JAZF1: variants seen among roughly 807,000 people sequenced by gnomAD.
JAZF1 encodes JAZF zinc finger 1.
JAZF1 carries 8 observed loss-of-function variants against 26.4 expected under a neutral mutation model. That is an observed-to-expected ratio of 0.30 (90% CI 0.18 to 0.55). The LOEUF (loss-of-function observed/expected upper bound fraction) is 0.55. Ranked by LOEUF, JAZF1 falls within the 20% of genes least tolerant of loss-of-function variation. The probability of loss-of-function intolerance (pLI) is 0.94; values close to 1 mark genes in which losing one functional copy is unlikely to be tolerated. For synonymous variants in JAZF1, 126 were observed against 122.3 expected, an observed-to-expected ratio of 1.03 and a Z score of -0.20; for missense variants, 199 against 322.0, an observed-to-expected ratio of 0.62 and a Z score of 2.92.
At chr7:28,132,853 C>A (rs1333094788) in intron 1 of JAZF1, among the ~76,000 whole-genome samples, 1 of 152,112 alleles carries the variant, frequency 6.6e-6, no homozygotes, top group African/African-American at 2.4e-5. Context: ...CCCACCCCTA[C>A]CCATCTCTGA....
intron 4 of JAZF1, among the ~76,000 whole-genome samples, chr7:27,836,736 C>T (rs1216646117): frequency 1.3e-5 from 2 of 152,192 alleles, no homozygotes; most frequent in Admixed American, 1.3e-4. Flanking sequence ...CTGAGGTGCA[C>T]GCAGTTCCCT....
At chr7:27,947,518 T>G (rs1784938900) in intron 2 of JAZF1, among the ~76,000 whole-genome samples, 1 of 152,244 alleles carries the variant, frequency 6.6e-6, no homozygotes, top group South Asian at 2.1e-4. Context: ...TCCTTTCAAG[T>G]GAATCTGCTT....
chr7:27,903,013 C>G (rs984487387), intron 2 of JAZF1, among the ~76,000 whole-genome samples: 1 of 51,074 alleles, frequency 2.0e-5, no homozygotes, highest in African/African-American at 6.4e-5. Flanking sequence ...GAGACTCCGT[C>G]TTAAAAAAAA....
chr7:27,870,075 A>ATTTTTTTTTTTTTTTTTTTT (rs371770357), intron 3 of JAZF1, among the ~76,000 whole-genome samples: 9 of 120,666 alleles, frequency 7.5e-5, no homozygotes, highest in Non-Finnish European at 6.7e-5. Flanking sequence ...CACCCGGTTA[A>ATTTTTTTTTTTTTTTTTTTT]TTTTTTTTTT....
At chr7:28,036,933 A>G (rs1056475258) in intron 1 of JAZF1, among the ~76,000 whole-genome samples, 3 of 152,168 alleles carry the variant, frequency 2.0e-5, no homozygotes, top group African/African-American at 7.2e-5. Flanking sequence ...AACTCCCTCT[A>G]GGTACAGCAG....
intron 2 of JAZF1, among the ~76,000 whole-genome samples, chr7:27,966,177 A>G (rs1458902411): frequency 1.1e-4 from 17 of 152,216 alleles, no homozygotes; most frequent in Admixed American, 7.2e-4. Context: ...AATACATTCC[A>G]CAACTCTACA....
intron 3 of JAZF1, chr7:27,842,122 C>G (rs565974441): frequency 6.6e-6 from 1 of 152,040 alleles, no homozygotes; most frequent in South Asian, 2.1e-4. Context: ...GGAACAGGGA[C>G]GCCGGCATCT....
In JAZF1 at chr7:28,069,896, C is replaced by T. The variant is rs951939528; in HGVS notation, c.116-77915G>A. 5.9e-5 allele frequency among the ~76,000 whole-genome samples: 9 copies of T among 152,150 alleles called. 1 individual carries two copies. Among genetic ancestry groups the T allele is most frequent in the African/African-American group, 4.8e-5 (2 of 41,448 alleles). On this transcript the variant is annotated intron_variant, in intron 1 of 4. Transcript: ENST00000283928. ...AGAAGTCCCTGTCATCCCGGTCTGT[C>T]GGCCATGAGCTCGTTACTCCCCTGA... is the stretch of plus-strand genomic sequence containing the variant.
intron 4 of JAZF1, among the ~76,000 whole-genome samples, chr7:27,836,008 T>C (rs1400778251): frequency 1.3e-5 from 2 of 152,178 alleles, no homozygotes; most frequent in Admixed American, 6.5e-5. Context: ...GATGAGAGAA[T>C]TGACTCCTAG....
chr7:27,956,406 G>A (rs745913165), intron 2 of JAZF1, among the ~76,000 whole-genome samples: 13 of 152,204 alleles, frequency 8.5e-5, no homozygotes, highest in Non-Finnish European at 1.3e-4. Flanking sequence ...TGTAACCCAG[G>A]CATTCCGAAG....
At chr7:27,834,195 T>C (rs1274443532) in intron 4 of JAZF1, among the ~76,000 whole-genome samples, 9 of 152,220 alleles carry the variant, frequency 5.9e-5, no homozygotes, top group African/African-American at 2.2e-4. Context: ...CCTAGCACAG[T>C]GCCTGGCACA....
At chr7:28,049,145 T>C (rs1294098911) in intron 1 of JAZF1, among the ~76,000 whole-genome samples, 1 of 150,216 alleles carries the variant, frequency 6.7e-6, no homozygotes, top group Non-Finnish European at 1.5e-5. Context: ...TGCAGTGGTG[T>C]GATGTCGGCT....
intron 1 of JAZF1, among the ~76,000 whole-genome samples, chr7:28,088,965 T>C (rs1250538499): frequency 1.3e-5 from 2 of 152,198 alleles, no homozygotes; most frequent in African/African-American, 4.8e-5. Context: ...TCATCAGCAC[T>C]GCGCATACTC....
chr7:27,979,146 A>G (rs1223819922), intron 2 of JAZF1, among the ~76,000 whole-genome samples: 2 of 152,094 alleles, frequency 1.3e-5, no homozygotes, highest in Non-Finnish European at 2.9e-5. Flanking sequence ...CTAAGTTATA[A>G]GAACATAGTA....
chr7:27,960,757 C>G (rs1430796281), intron 2 of JAZF1, among the ~76,000 whole-genome samples: 1 of 152,190 alleles, frequency 6.6e-6, no homozygotes, highest in East Asian at 1.9e-4. Flanking sequence ...CCAGCAGGCT[C>G]AGGTCCGTGA....
chr7:27,846,312 T>C (rs73075383), intron 3 of JAZF1, among the ~76,000 whole-genome samples: 11,550 of 145,680 alleles, frequency 0.079, 639 homozygotes, highest in Middle Eastern at 0.12. Context: ...AGTATTCCAT[T>C]GTGTGTGTGT....
Position 28,134,945 on chromosome 7 carries a change from T to C in JAZF1, c.115+45518A>G, listed in dbSNP as rs925612332. The stretch of plus-strand genomic sequence containing the variant: ...CGAATGCCTAGAATTGTGCTTTATA[T>C]ATACACGTGCTCAACAGACCCCAAA... On this transcript the variant is annotated intron_variant, in intron 1 of 4. Transcript: ENST00000283928. Among the ~76,000 whole-genome samples, 26 of 152,244 alleles carry C rather than the reference T, an allele frequency of 1.7e-4. 1 individual carries two copies. The highest frequency in any genetic ancestry group is 3.2e-4 in the Non-Finnish European group (22 of 68,036).
At position 28,117,214 on chromosome 7, in the gene JAZF1, ATACT is replaced by A. The variant is rs1784761020; in HGVS notation, c.115+63245_115+63248del. On this transcript the variant is annotated intron_variant, in intron 1 of 4. Transcript: ENST00000283928. ...ATGGCATTTTTTTAATCAGGTAAAAATACTTTATTTGAATTTAGTCAAATTTATC... is the reference window on the plus strand; with the variant it reads ...ATGGCATTTTTTTAATCAGGTAAAAATTATTTGAATTTAGTCAAATTTATC... 4.6e-5 allele frequency among the ~76,000 whole-genome samples: 7 copies of A among 152,224 alleles called. 1 individual carries two copies. In the South Asian group the frequency reaches 1.5e-3, roughly 32 times the overall value.
intron 1 of JAZF1, among the ~76,000 whole-genome samples, chr7:28,158,186 C>CAGAGAGAG (rs1554292394): frequency 7.0e-6 from 1 of 143,346 alleles, no homozygotes; most frequent in African/African-American, 2.6e-5. Flanking sequence ...CACACACACA[C>CAGAGAGAG]AGAGAGAGAG....
Sources: gnomAD v4.1 joint callset for allele counts (sites outside exome capture counted in the v4.1 genomes callset) on GRCh38, gnomAD v4.1.1 for gene constraint, MANE v1.5 for transcripts, NCBI Gene and HGNC (gene_info 2026-07-23, HGNC 2026-07-21) for gene names.